NPAS3: variants seen among roughly 807,000 people sequenced by gnomAD.
The protein encoded by NPAS3 is neuronal PAS domain-containing protein 3.
In NPAS3, 14 loss-of-function variants were observed where a neutral mutation model predicts 73.1. That is an observed-to-expected ratio of 0.19 (90% CI 0.13 to 0.30). The LOEUF (loss-of-function observed/expected upper bound fraction) is 0.30. NPAS3 is among the 10% of genes least tolerant of loss of function. The probability of loss-of-function intolerance (pLI) is 1.00; values close to 1 mark genes in which losing one functional copy is unlikely to be tolerated. For missense variants in NPAS3, 1,096 were observed against 1,250.0 expected (o/e 0.88, Z 1.86); for synonymous variants, 620 against 541.5 (o/e 1.14, Z -2.01).
In NPAS3 at chr14:33,684,271, C is replaced by T. The variant is rs181000709; in HGVS notation, c.733+7886C>T. ...GTCTCTTACTTAGAACTAAAATAAT[C>T]TAATCTATCTAATCCTTTTCTTTGC... On this transcript the variant is annotated intron_variant, in intron 6 of 11. Coordinates refer to ENST00000356141, the Ensembl canonical transcript of NPAS3. 4.7e-5 allele frequency among the ~76,000 whole-genome samples: 7 copies of T among 150,472 alleles called. No individual in the cohort carries two copies. In the East Asian group the frequency reaches 1.4e-3, roughly 30 times the overall value.
chr14:33,397,911 G>A (rs2047291548), intron 4 of NPAS3, among the ~76,000 whole-genome samples: 1 of 152,054 alleles, frequency 6.6e-6, no homozygotes, highest in South Asian at 2.1e-4. Context: ...TAGACACATA[G>A]GTCCTCTGGT....
chr14:32,968,127 G>C (rs993686611), intron 1 of NPAS3, among the ~76,000 whole-genome samples: 2 of 152,100 alleles, frequency 1.3e-5, no homozygotes, highest in African/African-American at 4.8e-5. Context: ...GGGGTGCAGA[G>C]TGAGAGTTAG....
At chr14:32,982,539 A>C (rs2037940377) in intron 1 of NPAS3, among the ~76,000 whole-genome samples, 1 of 152,098 alleles carries the variant, frequency 6.6e-6, no homozygotes, top group African/African-American at 2.4e-5. Flanking sequence ...GTGAGATCTC[A>C]TCTCTACGAA....
At chr14:33,089,339 C>A (rs1272523589) in intron 2 of NPAS3, among the ~76,000 whole-genome samples, 1 of 152,148 alleles carries the variant, frequency 6.6e-6, no homozygotes, top group Non-Finnish European at 1.5e-5. Context: ...GGCACAAGAA[C>A]TATGTGATGA....
chr14:33,389,719 GTTT>G lies in NPAS3; in HGVS notation c.468+22455_468+22457del, dbSNP rs1198998126. Among the ~76,000 whole-genome samples, 3 of 152,038 alleles carry G rather than the reference GTTT, an allele frequency of 2.0e-5. No individual in the cohort carries two copies. In the East Asian group the frequency reaches 5.8e-4, roughly 29 times the overall value. On this transcript the variant is annotated intron_variant, in intron 4 of 11. Coordinates refer to ENST00000356141, the Ensembl canonical transcript of NPAS3. ...TCTTGAGAAAATTATCTTAAAATTT[GTTT>G]TTTAATTTTATAGCTAAAATGTGAT...
At chr14:33,433,349 G>A (rs1487585157) in intron 4 of NPAS3, among the ~76,000 whole-genome samples, 2 of 152,148 alleles carry the variant, frequency 1.3e-5, no homozygotes, top group African/African-American at 4.8e-5. Context: ...AGATGGTATA[G>A]GGAAACCACA....
chr14:33,025,665 G>A (rs1360479334), intron 1 of NPAS3, among the ~76,000 whole-genome samples: 3 of 152,180 alleles, frequency 2.0e-5, no homozygotes, highest in Non-Finnish European at 4.4e-5. Context: ...CCCCCTTACT[G>A]TTCTCACGAT....
chr14:33,397,067 TG>T (rs1170041964), intron 4 of NPAS3, among the ~76,000 whole-genome samples: 1 of 152,092 alleles, frequency 6.6e-6, no homozygotes, highest in African/African-American at 2.4e-5. Context: ...CCATGGGGAA[TG>T]GTGAGTTTGG....
intron 9 of NPAS3, among the ~76,000 whole-genome samples, chr14:33,782,502 G>A (rs1348053949): frequency 6.6e-6 from 1 of 152,198 alleles, no homozygotes; most frequent in Admixed American, 6.5e-5. Context: ...TTTGTCTCGA[G>A]ATATCCCTAG....
chr14:33,501,985 A>ATTATT (rs2052540182), intron 4 of NPAS3, among the ~76,000 whole-genome samples: 1 of 151,932 alleles, frequency 6.6e-6, no homozygotes, highest in Non-Finnish European at 1.5e-5. Flanking sequence ...CTCAAGTATC[A>ATTATT]TTATTTCATC....
chr14:33,766,675 C>T (rs2062472684), intron 7 of NPAS3, among the ~76,000 whole-genome samples: 1 of 152,202 alleles, frequency 6.6e-6, no homozygotes, highest in Non-Finnish European at 1.5e-5. Flanking sequence ...TATCCCTGAT[C>T]TTACAAGAAT....
chr14:33,067,511 C>T (rs1308177172), intron 2 of NPAS3, among the ~76,000 whole-genome samples: 1 of 152,202 alleles, frequency 6.6e-6, no homozygotes, highest in African/African-American at 2.4e-5. Context: ...TTTCAAACTA[C>T]TTGACCTTTG....
At chr14:33,427,053 A>G (rs1370928720) in intron 4 of NPAS3, among the ~76,000 whole-genome samples, 2 of 152,068 alleles carry the variant, frequency 1.3e-5, no homozygotes, top group Non-Finnish European at 2.9e-5. Context: ...AGCCATATGT[A>G]TAATATAAGA....
intron 5 of NPAS3, among the ~76,000 whole-genome samples, chr14:33,563,537 C>CACACACACACACAGAGAGAGAG: frequency 8.2e-4 from 98 of 119,678 alleles, no homozygotes; most frequent in African/African-American, 3.1e-3. Flanking sequence ...CACACACACA[C>CACACACACACACAGAGAGAGAG]AGAGAGAGAG....
chr14:32,995,028 T>C (rs909027437), intron 1 of NPAS3, among the ~76,000 whole-genome samples: 1 of 152,216 alleles, frequency 6.6e-6, no homozygotes, highest in African/African-American at 2.4e-5. Context: ...AAGAAACAAG[T>C]GGCTCTCGGG....
intron 4 of NPAS3, among the ~76,000 whole-genome samples, chr14:33,453,271 T>A (rs1409705668): frequency 6.6e-6 from 1 of 152,206 alleles, no homozygotes; most frequent in South Asian, 2.1e-4. Flanking sequence ...GATTGAGTTT[T>A]AATGTAAGAT....
chr14:33,311,551 A>G (rs2043004075), intron 3 of NPAS3, among the ~76,000 whole-genome samples: 1 of 152,112 alleles, frequency 6.6e-6, no homozygotes, highest in Non-Finnish European at 1.5e-5. Context: ...TAGATAATTC[A>G]GTAGCAATCT....
rs540267803 is a variant in NPAS3 at position 32,985,928 on chromosome 14, C to T, written c.50+46562C>T. Among the ~76,000 whole-genome samples the T allele has an allele frequency of 1.3e-4, 20 of 152,302 alleles. No homozygotes were observed. The South Asian group carries it at 3.1e-3, about 24-fold the overall frequency. ...AGTGAGTCGTTAGTCATAAGGTCCACGATTCTTCATAATTGACATGGCTTC... is the reference window on the plus strand; with the variant it reads ...AGTGAGTCGTTAGTCATAAGGTCCATGATTCTTCATAATTGACATGGCTTC... On this transcript the variant is annotated intron_variant, in intron 1 of 11. Coordinates refer to ENST00000356141, the Ensembl canonical transcript of NPAS3.
At chr14:33,161,659 G>A (rs902672771) in intron 2 of NPAS3, among the ~76,000 whole-genome samples, 10 of 152,224 alleles carry the variant, frequency 6.6e-5, no homozygotes, top group African/African-American at 2.4e-4. Flanking sequence ...CATGGTTTAA[G>A]AGGATAATGA....
Sources: gnomAD v4.1 joint callset for allele counts (sites outside exome capture counted in the v4.1 genomes callset) on GRCh38, gnomAD v4.1.1 for gene constraint, MANE v1.5 for transcripts, NCBI Gene and HGNC (gene_info 2026-07-23, HGNC 2026-07-21) for gene names.